The following TBC1D5 variants were observed in gnomAD, a reference collection of about 807,000 sequenced individuals.
The protein encoded by TBC1D5 is TBC1 domain family member 5.
In TBC1D5, 75 loss-of-function variants were observed where a neutral mutation model predicts 100.3. That is an observed-to-expected ratio of 0.75 (90% CI 0.62 to 0.91). The LOEUF (loss-of-function observed/expected upper bound fraction) is 0.91. Among genes scored for constraint, TBC1D5 ranks in the 40% least tolerant of loss-of-function variants. The pLI is 0.00. For synonymous variants in TBC1D5, 323 were observed against 325.6 expected (o/e 0.99, Z 0.09); for missense variants, 910 against 942.4 (o/e 0.97, Z 0.45).
At chr3:17,623,338 A>G (rs537311963) in intron 2 of TBC1D5, among the ~76,000 whole-genome samples, 1 of 152,308 alleles carries the variant, frequency 6.6e-6, no homozygotes, top group South Asian at 2.1e-4. Flanking sequence ...CAAAATGTTG[A>G]GGCCCCTAAC....
intron 3 of TBC1D5, among the ~76,000 whole-genome samples, chr3:17,480,944 C>T (rs2095494478): frequency 6.6e-6 from 1 of 152,214 alleles, no homozygotes; most frequent in Non-Finnish European, 1.5e-5. Flanking sequence ...AGCTATAACA[C>T]AAATGGCTTG....
Position 17,472,456 on chromosome 3 carries a change from G to T in TBC1D5, c.97+36018C>A, listed in dbSNP as rs538949861. ...GAGATTTTTTACTACACAAATGAGG[G>T]CTTTTCTACTTCATATCTTCTCAAT... On this transcript the variant is annotated intron_variant, in intron 3 of 21. Coordinates refer to ENST00000253692, the Ensembl canonical transcript of TBC1D5. Among the ~76,000 whole-genome samples, 6 of 152,090 alleles carry T rather than the reference G, an allele frequency of 3.9e-5. No individual in the cohort carries two copies. In the South Asian group the frequency reaches 1.2e-3, roughly 32 times the overall value.
exon 17 of TBC1D5, chr3:17,238,250 C>T: frequency 6.2e-7 from 1 of 1,614,044 alleles, no homozygotes; most frequent in Non-Finnish European, 8.5e-7. Flanking sequence ...GGGGCCTCTG[C>T]TGAGGTCCTG....
At chr3:17,425,536 G>C (rs1417906128) in intron 4 of TBC1D5, among the ~76,000 whole-genome samples, 1 of 152,126 alleles carries the variant, frequency 6.6e-6, no homozygotes, top group African/African-American at 2.4e-5. Flanking sequence ...CTGAGAGGTG[G>C]GAGGATTGCT....
intron 13 of TBC1D5, among the ~76,000 whole-genome samples, chr3:17,337,005 T>G (rs1209170704): frequency 2.0e-5 from 3 of 152,004 alleles, no homozygotes; most frequent in African/African-American, 7.2e-5. Flanking sequence ...CTTCCTAAAC[T>G]AACTACATGT....
At chr3:17,168,376 G>T (rs778775260) in intron 19 of TBC1D5, among the ~76,000 whole-genome samples, 1 of 152,132 alleles carries the variant, frequency 6.6e-6, no homozygotes, top group East Asian at 1.9e-4. Context: ...AATGTCTATG[G>T]AGTCTCCTCT....
At chr3:17,304,608 G>C (rs923900507) in intron 14 of TBC1D5, among the ~76,000 whole-genome samples, 3 of 152,100 alleles carry the variant, frequency 2.0e-5, no homozygotes, top group African/African-American at 7.2e-5. Context: ...GTTTCACCAC[G>C]TGTCTCAGAC....
At chr3:17,349,851 A>G (rs2151634126) in intron 13 of TBC1D5, among the ~76,000 whole-genome samples, 1 of 152,290 alleles carries the variant, frequency 6.6e-6, no homozygotes, top group South Asian at 2.1e-4. Context: ...AACAATTAGG[A>G]AAAAAATGCA....
intron 5 of TBC1D5, 22 bp from the exon 6 acceptor site, chr3:17,404,983 A>G (rs2152437996): frequency 6.8e-7 from 1 of 1,479,192 alleles, no homozygotes. Context: ...AACAGAAGAA[A>G]CTTTTGTAAA....
In TBC1D5 at chr3:17,548,859, G is replaced by C. The variant is rs1466157273; in HGVS notation, c.-35-40254C>G. Among the ~76,000 whole-genome samples the C allele has an allele frequency of 2.0e-5, 3 of 152,172 alleles. No individual in the cohort carries two copies. In the East Asian group the frequency reaches 5.8e-4, roughly 29 times the overall value. On this transcript the variant is annotated intron_variant, in intron 2 of 21. Transcript: ENST00000253692. Reference sequence around the variant, plus strand: ...TACTTACTTTTTGAAGCCCATTGAAGTATAAATTATAAGGTAAGGTACCCC... The same window carrying C: ...TACTTACTTTTTGAAGCCCATTGAACTATAAATTATAAGGTAAGGTACCCC...
chr3:17,338,905 A>T (rs2088393364), intron 13 of TBC1D5, among the ~76,000 whole-genome samples: 1 of 152,212 alleles, frequency 6.6e-6, no homozygotes, highest in African/African-American at 2.4e-5. Context: ...AAGATCCAAG[A>T]TGGGCAGATT....
chr3:17,628,098 G>C (rs903641581), intron 1 of TBC1D5, among the ~76,000 whole-genome samples: 1 of 152,080 alleles, frequency 6.6e-6, no homozygotes, highest in African/African-American at 2.4e-5. Context: ...GCCGGGTGTG[G>C]TGGCTCACAC....
At chr3:17,705,276 C>G (rs1275222956) in intron 1 of TBC1D5, among the ~76,000 whole-genome samples, 2 of 81,084 alleles carry the variant, frequency 2.5e-5, no homozygotes, top group Admixed American at 1.1e-4. Flanking sequence ...CCGGACGGCA[C>G]GGCTGGCCAG....
intron 17 of TBC1D5, among the ~76,000 whole-genome samples, chr3:17,225,854 A>G (rs2148767126): frequency 6.6e-6 from 1 of 152,220 alleles, no homozygotes; most frequent in South Asian, 2.1e-4. Context: ...AACAACAACA[A>G]CAACAAACCC....
intron 2 of TBC1D5, among the ~76,000 whole-genome samples, chr3:17,528,810 A>G (rs1293886996): frequency 6.6e-6 from 1 of 152,248 alleles, no homozygotes; most frequent in Non-Finnish European, 1.5e-5. Flanking sequence ...AAGTAGAAAC[A>G]AATATTTGAA....
intron 1 of TBC1D5, among the ~76,000 whole-genome samples, chr3:17,629,165 C>T (rs2063300885): frequency 1.3e-5 from 2 of 151,738 alleles, no homozygotes; most frequent in Admixed American, 1.3e-4. Context: ...TTAGGCTGTC[C>T]AAAGAACAAG....
intron 8 of TBC1D5, among the ~76,000 whole-genome samples, chr3:17,391,998 G>C (rs989205711): frequency 6.6e-6 from 1 of 152,040 alleles, no homozygotes; most frequent in Non-Finnish European, 1.5e-5. Context: ...TGAAAATAAA[G>C]CTTTTTCTCA....
At chr3:17,404,226 C>A (rs1385615826) in intron 7 of TBC1D5, among the ~76,000 whole-genome samples, 1 of 151,932 alleles carries the variant, frequency 6.6e-6, no homozygotes, top group Non-Finnish European at 1.5e-5. Flanking sequence ...AAGTAGTAAT[C>A]CTTGTCTTCA....
intron 13 of TBC1D5, among the ~76,000 whole-genome samples, chr3:17,322,328 T>C (rs888801860): frequency 6.6e-6 from 1 of 152,244 alleles, no homozygotes; most frequent in African/African-American, 2.4e-5. Context: ...GATTTTCTTG[T>C]AATAGAATAG....
Sources: allele counts gnomAD v4.1 joint callset (sites outside exome capture counted in the v4.1 genomes callset), GRCh38; gene constraint gnomAD v4.1.1; transcripts MANE v1.5; gene names NCBI Gene and HGNC (gene_info 2026-07-23, HGNC 2026-07-21).